DFFA: variants seen among roughly 807,000 people sequenced by gnomAD.
DFFA encodes the protein DFF45.
Under a neutral mutation model 28.0 loss-of-function variants are expected in DFFA, and 14 were observed. The ratio of observed to expected loss-of-function variants is 0.50; its 90% CI spans 0.33 to 0.78. The LOEUF (loss-of-function observed/expected upper bound fraction) is 0.78, where lower values mean the gene tolerates loss of function less well. Among genes scored for constraint, DFFA ranks in the 30% least tolerant of loss-of-function variants. The probability of loss-of-function intolerance (pLI) is 0.02; values close to 1 mark genes in which losing one functional copy is unlikely to be tolerated. For missense variants in DFFA, 395 were observed against 407.1 expected (o/e 0.97, Z 0.26); for synonymous variants, 158 against 170.3 (o/e 0.93, Z 0.56).
intron 1 of DFFA, among the ~76,000 whole-genome samples, chr1:10,471,062 C>CAA (rs59465527): frequency 0.076 from 7,333 of 96,050 alleles, 436 homozygotes; most frequent in African/African-American, 0.15. Context: ...CACTCCGTCT[C>CAA]AAAAAAAAAA....
intron 4 of DFFA, 30 bp from the exon 5 acceptor site, chr1:10,463,239 ACGTGGTGT>A: frequency 6.2e-7 from 1 of 1,605,136 alleles, no homozygotes; most frequent in Non-Finnish European, 8.5e-7. Context: ...CAGAGATCAG[ACGTGGTGT>A]GACCACACAG....
At chr1:10,467,040 G>T in intron 3 of DFFA, 150 bp downstream of exon 3, 2 of 867,438 alleles carry the variant, frequency 2.3e-6, no homozygotes, top group Non-Finnish European at 1.7e-6. Flanking sequence ...AGAATGAGAA[G>T]ATGAAAAATC....
chr1:10,469,682 G>A (rs191732443), intron 1 of DFFA, among the ~76,000 whole-genome samples: 7 of 152,088 alleles, frequency 4.6e-5, no homozygotes, highest in Non-Finnish European at 8.8e-5. Flanking sequence ...CACCATGTCC[G>A]GCTAATTTTT....
At chr1:10,468,488 A>C (rs982354752) in intron 2 of DFFA, among the ~76,000 whole-genome samples, 12 of 151,762 alleles carry the variant, frequency 7.9e-5, no homozygotes, top group African/African-American at 2.7e-4. Context: ...TGTCATTGAG[A>C]AACCCTGGTT....
rs1640873081 is a variant in DFFA, at chr1:10,457,272, C to G, written c.*4218G>C. On this transcript the variant is annotated 3_prime_UTR_variant, in exon 6 of 6. Coordinates refer to ENST00000377038, the MANE Select transcript of DFFA (RefSeq NM_004401.3). ...CCTTCTGCCTTAGCCTCCCGAGTAT[C>G]TAGGATTACAGGCATGTACCACTAC... 6.6e-6 allele frequency: 1 copy of G among 152,262 alleles called. No homozygotes were observed. Among genetic ancestry groups the G allele is most frequent in the Admixed American group, 6.5e-5 (1 of 15,272 alleles). The allele number at this position is 152,262 out of a possible 1,614,324, so 9.4% of individuals were successfully genotyped here. A position where few individuals can be genotyped will look rare whatever the true frequency, so the allele number is the denominator to read the frequency against.
chr1:10,472,255 T>C lies in DFFA; in HGVS notation c.136+68A>G. ...CCAAGTCGCCTCTCCTGACCCCGCC[T>C]CGCCCCCGCCGGACGTCCTCACCCG... On this transcript the variant is annotated intron_variant, in intron 1 of 5. Coordinates refer to ENST00000377038, the MANE Select transcript of DFFA (RefSeq NM_004401.3). The surrounding 1 kb of genome is among the most constrained non-coding windows in gnomAD (Gnocchi z 5.0). 3.4e-6 allele frequency: 5 copies of C among 1,456,402 alleles called. No individual in the cohort carries two copies. The highest frequency in any genetic ancestry group is 1.4e-5 in the South Asian group (1 of 69,708). 90.2% of individuals were successfully genotyped at this position (1,456,402 alleles called of 1,614,324 possible). A position where few individuals can be genotyped will look rare whatever the true frequency, so the allele number is the denominator to read the frequency against.
chr1:10,461,399 G>T lies in DFFA; in HGVS notation c.*91C>A. On this transcript the variant is annotated 3_prime_UTR_variant, in exon 6 of 6. Transcript: ENST00000377038. ...GGAAGGTGCTCTAAGGCAGGGGGTAGAGTAGTACATAGGTAGTCAAATGAT... is the reference window on the plus strand; with the variant it reads ...GGAAGGTGCTCTAAGGCAGGGGGTATAGTAGTACATAGGTAGTCAAATGAT... 1 of 1,497,684 alleles carries T rather than the reference G, an allele frequency of 6.7e-7. No individual in the cohort carries two copies. The highest frequency in any genetic ancestry group is 1.3e-5 in the South Asian group (1 of 76,000). 92.8% of individuals were successfully genotyped at this position (1,497,684 alleles called of 1,614,324 possible). A position where few individuals can be genotyped will look rare whatever the true frequency, so the allele number is the denominator to read the frequency against.
rs1000407027 is a variant in DFFA at position 10,472,178 on chromosome 1, T to C, written c.136+145A>G. 5 of 972,822 alleles carry C rather than the reference T, an allele frequency of 5.1e-6. No homozygotes were observed. In the Middle Eastern group the frequency reaches 1.0e-3, roughly 203 times the overall value. The allele number at this position is 972,822 out of a possible 1,614,324, so 60.3% of individuals were successfully genotyped here. On this transcript the variant is annotated intron_variant, in intron 1 of 5. Coordinates refer to ENST00000377038, the MANE Select transcript of DFFA (RefSeq NM_004401.3). The surrounding 1 kb of genome is among the most constrained non-coding windows in gnomAD (Gnocchi z 5.0). Reference sequence around the variant, plus strand: ...AGCGCCTTAAATCTGTAAATCGCTATGCCCACTCGGACCGTTTCTGTCCCA... The same window carrying C: ...AGCGCCTTAAATCTGTAAATCGCTACGCCCACTCGGACCGTTTCTGTCCCA...
chr1:10,472,175 C>A lies in DFFA; in HGVS notation c.136+148G>T. 1.1e-6 allele frequency: 1 copy of A among 950,302 alleles called. No individual in the cohort carries two copies. The highest frequency in any genetic ancestry group is 1.5e-6 in the Non-Finnish European group (1 of 670,858). The allele number at this position is 950,302 out of a possible 1,614,324, so 58.9% of individuals were successfully genotyped here. A position where few individuals can be genotyped will look rare whatever the true frequency, so the allele number is the denominator to read the frequency against. ...TCAAGCGCCTTAAATCTGTAAATCG[C>A]TATGCCCACTCGGACCGTTTCTGTC... is the stretch of plus-strand genomic sequence containing the variant. On this transcript the variant is annotated intron_variant, in intron 1 of 5. Transcript: ENST00000377038. The surrounding 1 kb of genome is among the most constrained non-coding windows in gnomAD (Gnocchi z 5.0).
chr1:10,467,202 CTCT>C lies in DFFA; in HGVS notation c.426_428del (p.Glu144del), dbSNP rs774307153. The C allele has an allele frequency of 6.2e-7, 1 of 1,614,148 alleles. No homozygotes were observed. Among genetic ancestry groups the C allele is most frequent in the Non-Finnish European group, 8.5e-7 (1 of 1,180,044 alleles). On this transcript the variant is annotated inframe_deletion, in exon 3 of 6. Coordinates refer to ENST00000377038, the MANE Select transcript of DFFA (RefSeq NM_004401.3). ...GAGGAGGCTTTACCTGGAGGTCCTC[CTCT>C]GATAGGAGGATGATGCTGGACAGAT...
chr1:10,463,873 C>T (rs12729844), intron 3 of DFFA, among the ~76,000 whole-genome samples: 25,508 of 151,884 alleles, frequency 0.17, 2,549 homozygotes, highest in Non-Finnish European at 0.23. Flanking sequence ...TCATGTTGGC[C>T]AGGCTGGTCT....
Position 10,472,473 on chromosome 1 carries a change from G to C in DFFA, c.-15C>G. 6.3e-7 allele frequency: 1 copy of C among 1,588,196 alleles called. No individual in the cohort carries two copies. Among genetic ancestry groups the C allele is most frequent in the Non-Finnish European group, 8.6e-7 (1 of 1,164,564 alleles). On this transcript the variant is annotated 5_prime_UTR_variant, in exon 1 of 6. Transcript: ENST00000377038. The surrounding 1 kb of genome is among the most constrained non-coding windows in gnomAD (Gnocchi z 5.0). ...GTCACCTCCATCCTCCACAAGGTGG[G>C]ACCTGCCCACCTTCGAGAAGTCGCG... is the stretch of plus-strand genomic sequence containing the variant.
chr1:10,469,631 C>T (rs897659140), intron 1 of DFFA, among the ~76,000 whole-genome samples: 3 of 152,120 alleles, frequency 2.0e-5, no homozygotes, highest in African/African-American at 7.2e-5. Flanking sequence ...AGTGATTTTC[C>T]TGCCTCAGCC....
At chr1:10,467,159 A>C in intron 3 of DFFA, 31 bp downstream of exon 3, 2 of 1,612,404 alleles carry the variant, frequency 1.2e-6, no homozygotes, top group South Asian at 2.2e-5. Flanking sequence ...GGCTGGATGA[A>C]CATTGTTGCA....
intron 3 of DFFA, among the ~76,000 whole-genome samples, chr1:10,465,784 T>C (rs34132699): frequency 0.19 from 28,316 of 151,872 alleles, 3,174 homozygotes; most frequent in Non-Finnish European, 0.26. Context: ...CTTGACCACC[T>C]GGGCTCAAGT....
chr1:10,469,558 T>C (rs1641066987), intron 1 of DFFA, among the ~76,000 whole-genome samples: 1 of 152,146 alleles, frequency 6.6e-6, no homozygotes, highest in Non-Finnish European at 1.5e-5. Context: ...TCTCACTCTG[T>C]TACCCAGGCT....
chr1:10,467,664 C>T (rs1460023029), intron 2 of DFFA, among the ~76,000 whole-genome samples: 1 of 152,118 alleles, frequency 6.6e-6, no homozygotes, highest in African/African-American at 2.4e-5. Flanking sequence ...GTGCCCACCA[C>T]CATGACCAGC....
intron 5 of DFFA, chr1:10,462,841 T>G: frequency 7.2e-7 from 1 of 1,392,700 alleles, no homozygotes; most frequent in Non-Finnish European, 9.3e-7. Flanking sequence ...CCAGAGTCTG[T>G]TTGATGATCT....
chr1:10,461,429 C>A lies in DFFA; in HGVS notation c.*61G>T, dbSNP rs1489205757. ...GTACATAGGTAGTCAAATGATGAGG[C>A]TGAGGGTGTCTACCAATAACACAAC... is the stretch of plus-strand genomic sequence containing the variant. On this transcript the variant is annotated 3_prime_UTR_variant, in exon 6 of 6. Coordinates refer to ENST00000377038, the MANE Select transcript of DFFA (RefSeq NM_004401.3). 3.9e-6 allele frequency: 6 copies of A among 1,553,346 alleles called. No individual in the cohort carries two copies. The African/African-American group carries it at 8.1e-5, about 21-fold the overall frequency.
Sources: allele counts gnomAD v4.1 joint callset (sites outside exome capture counted in the v4.1 genomes callset), GRCh38; gene constraint gnomAD v4.1.1; non-coding constraint Gnocchi (gnomAD v3.1); transcripts MANE v1.5; gene names NCBI Gene and HGNC (gene_info 2026-07-23, HGNC 2026-07-21).